SCFD2: variants seen among roughly 807,000 people sequenced by gnomAD.
The protein encoded by SCFD2 is sec1 family domain-containing protein 2.
In SCFD2, 54 loss-of-function variants were observed where a neutral mutation model predicts 58.9. The ratio of observed to expected loss-of-function variants is 0.92; its 90% CI spans 0.74 to 1.15. The LOEUF is 1.15. Among genes scored for constraint, SCFD2 ranks in the 50% most tolerant of loss-of-function variants. The pLI, the probability that SCFD2 is intolerant of heterozygous loss-of-function variation, is 0.00. For synonymous variants in SCFD2, 321 were observed against 335.9 expected, an observed-to-expected ratio of 0.96 and a Z score of 0.49; for missense variants, 805 against 836.6, an observed-to-expected ratio of 0.96 and a Z score of 0.47.
chr4:53,298,031 C>T (rs553772308), intron 3 of SCFD2, among the ~76,000 whole-genome samples: 38 of 152,256 alleles, frequency 2.5e-4, no homozygotes, highest in African/African-American at 8.4e-4. Context: ...ACACAGAAGA[C>T]GGGTGATTTC....
At chr4:52,934,591 A>G (rs1237353266) in intron 5 of SCFD2, among the ~76,000 whole-genome samples, 1 of 152,162 alleles carries the variant, frequency 6.6e-6, no homozygotes, top group Non-Finnish European at 1.5e-5. Flanking sequence ...AGCTCCTAGA[A>G]ATGCACCTCC....
rs530047250 is a variant in SCFD2, at chr4:53,239,089, G to C, written c.1311+34737C>G. 2.6e-3 allele frequency among the ~76,000 whole-genome samples: 395 copies of C among 150,916 alleles called. 1 individual carries two copies. The highest frequency in any genetic ancestry group is 4.5e-3 in the Non-Finnish European group (306 of 67,592). On this transcript the variant is annotated intron_variant, in intron 4 of 8. Coordinates refer to ENST00000401642, the MANE Select transcript of SCFD2 (RefSeq NM_152540.4). ...GGGCACCATTGAGCACTGAGTGAAC[G>C]AGACTCCATCTGCAATCCCAGCACC...
intron 5 of SCFD2, among the ~76,000 whole-genome samples, chr4:53,000,748 A>C (rs1721845538): frequency 6.6e-6 from 1 of 152,218 alleles, no homozygotes; most frequent in Non-Finnish European, 1.5e-5. Flanking sequence ...CCTCATGGGA[A>C]GGGCACTTGT....
At chr4:53,315,912 C>T (rs1202989069) in intron 2 of SCFD2, among the ~76,000 whole-genome samples, 6 of 152,124 alleles carry the variant, frequency 3.9e-5, no homozygotes, top group Non-Finnish European at 8.8e-5. Context: ...GGTTTATGGA[C>T]TCCGCAGTCA....
intron 4 of SCFD2, among the ~76,000 whole-genome samples, chr4:53,269,982 C>T (rs550210609): frequency 1.4e-4 from 22 of 152,150 alleles, no homozygotes; most frequent in African/African-American, 4.6e-4. Context: ...ACTGAGATCA[C>T]GCCACTGCAC....
Position 52,999,239 on chromosome 4 carries a change from GCTTTGACTCC to G in SCFD2, c.1562-78379_1562-78370del, listed in dbSNP as rs562151542. 1.4e-3 allele frequency among the ~76,000 whole-genome samples: 207 copies of G among 152,226 alleles called. 1 individual carries two copies. The highest frequency in any genetic ancestry group is 4.4e-3 in the African/African-American group (183 of 41,534). Reference sequence around the variant, plus strand: ...AAAACCTTCTTTACACCAATCAATTGCTTTGACTCCCTAATTTCACAGGACAAAAGAGACT... The same window carrying G: ...AAAACCTTCTTTACACCAATCAATTGCTAATTTCACAGGACAAAAGAGACT... On this transcript the variant is annotated intron_variant, in intron 5 of 8. Coordinates refer to ENST00000401642, the MANE Select transcript of SCFD2 (RefSeq NM_152540.4).
At chr4:53,313,431 A>C (rs1012625290) in intron 3 of SCFD2, among the ~76,000 whole-genome samples, 5 of 152,336 alleles carry the variant, frequency 3.3e-5, no homozygotes, top group African/African-American at 7.2e-5. Flanking sequence ...ACTCTCCTAG[A>C]GAGTTCCCAA....
chr4:53,049,285 G>A (rs1208096797), intron 5 of SCFD2, among the ~76,000 whole-genome samples: 2 of 152,198 alleles, frequency 1.3e-5, no homozygotes, highest in Non-Finnish European at 2.9e-5. Context: ...ACTCTGTCTG[G>A]CACACTCATA....
intron 7 of SCFD2, among the ~76,000 whole-genome samples, chr4:52,900,921 C>T (rs113208040): frequency 0.013 from 1,993 of 152,244 alleles, 47 homozygotes; most frequent in African/African-American, 0.044. Flanking sequence ...AGAGGCTCCG[C>T]GGGCGCAGGA....
intron 5 of SCFD2, among the ~76,000 whole-genome samples, chr4:53,003,335 G>A (rs1272222083): frequency 6.6e-6 from 1 of 152,188 alleles, no homozygotes; most frequent in Non-Finnish European, 1.5e-5. Flanking sequence ...ACAGTAATCA[G>A]TAGCCACATG....
chr4:52,917,696 T>C (rs1029614467), intron 6 of SCFD2, among the ~76,000 whole-genome samples: 5 of 152,056 alleles, frequency 3.3e-5, no homozygotes, highest in Admixed American at 6.6e-5. Context: ...CCTGTGGTAA[T>C]GTTCTGGGAT....
intron 4 of SCFD2, among the ~76,000 whole-genome samples, chr4:53,207,577 TA>T (rs869150916): frequency 2.4e-5 from 1 of 41,578 alleles, no homozygotes; most frequent in Non-Finnish European, 5.9e-5. Context: ...ATAATATTTA[TA>T]TATATATAAT....
At chr4:53,350,790 A>G (rs1577995343) in intron 2 of SCFD2, among the ~76,000 whole-genome samples, 1 of 151,570 alleles carries the variant, frequency 6.6e-6, no homozygotes, top group South Asian at 2.1e-4. Flanking sequence ...GCTCACTGCA[A>G]CCTCCTCCTC....
intron 4 of SCFD2, among the ~76,000 whole-genome samples, chr4:53,264,981 G>T (rs907484912): frequency 6.6e-6 from 1 of 152,004 alleles, no homozygotes; most frequent in African/African-American, 2.4e-5. Context: ...AAGCTGGATT[G>T]CTTTAATTTA....
chr4:53,233,051 C>A (rs961038351), intron 4 of SCFD2, among the ~76,000 whole-genome samples: 1 of 152,158 alleles, frequency 6.6e-6, no homozygotes, highest in African/African-American at 2.4e-5. Flanking sequence ...ATTCTGCCAG[C>A]CTAGGCATAG....
intron 5 of SCFD2, among the ~76,000 whole-genome samples, chr4:53,059,161 T>C (rs190921821): frequency 1.9e-3 from 290 of 152,166 alleles, no homozygotes; most frequent in Non-Finnish European, 3.2e-3. Context: ...TCAAAGGAAA[T>C]AGGAAATTAA....
chr4:53,278,490 C>T (rs1731404968), intron 3 of SCFD2, among the ~76,000 whole-genome samples: 1 of 151,518 alleles, frequency 6.6e-6, no homozygotes. Flanking sequence ...GATCGTGCCA[C>T]TGCACTCCAG....
chr4:53,102,020 CTGTATA>C (rs1724844323), intron 5 of SCFD2, among the ~76,000 whole-genome samples: 1 of 152,130 alleles, frequency 6.6e-6, no homozygotes, highest in South Asian at 2.1e-4. Flanking sequence ...ACCACAAAAT[CTGTATA>C]AGTAAAACGG....
intron 1 of SCFD2, among the ~76,000 whole-genome samples, chr4:53,360,125 C>T (rs1734510666): frequency 6.6e-6 from 1 of 152,162 alleles, no homozygotes; most frequent in Non-Finnish European, 1.5e-5. Flanking sequence ...AACATTTAAA[C>T]AAAAGGTTTG....
Sources: gnomAD v4.1 joint callset for allele counts (sites outside exome capture counted in the v4.1 genomes callset) on GRCh38, gnomAD v4.1.1 for gene constraint, MANE v1.5 for transcripts, NCBI Gene and HGNC (gene_info 2026-07-23, HGNC 2026-07-21) for gene names.